The following DPP6 variants were observed in gnomAD, a reference collection of about 807,000 sequenced individuals.
DPP6 encodes the protein A-type potassium channel modulatory protein DPP6.
A neutral mutation model predicts 122.6 loss-of-function variants in DPP6; 69 were observed. The ratio of observed to expected loss-of-function variants is 0.56; its 90% CI spans 0.46 to 0.69. DPP6 has a LOEUF of 0.69. Ranked by LOEUF, DPP6 falls within the 30% of genes least tolerant of loss-of-function variation. DPP6 has a pLI of 0.00. For synonymous variants in DPP6, 418 were observed against 433.1 expected (o/e 0.97, Z 0.43); for missense variants, 928 against 1,116.9 (o/e 0.83, Z 2.41).
At chr7:154,688,497 G>A (rs1341150949) in intron 7 of DPP6, among the ~76,000 whole-genome samples, 1 of 151,958 alleles carries the variant, frequency 6.6e-6, no homozygotes, top group Non-Finnish European at 1.5e-5. Context: ...ATTAGTCAGG[G>A]TTCAGACTAA....
chr7:154,197,987 G>T (rs776028676), intron 1 of DPP6, among the ~76,000 whole-genome samples: 4 of 152,124 alleles, frequency 2.6e-5, no homozygotes, highest in Non-Finnish European at 5.9e-5. Flanking sequence ...TCTCTTTGAT[G>T]ACATCATTGT....
At chr7:154,886,014 C>T (rs952769361) in intron 22 of DPP6, among the ~76,000 whole-genome samples, 4 of 152,214 alleles carry the variant, frequency 2.6e-5, no homozygotes, top group East Asian at 3.9e-4. Flanking sequence ...GCTAGTACTC[C>T]GCTGGCAGCA....
chr7:154,034,604 T>C (rs1799425016), intron 1 of DPP6, among the ~76,000 whole-genome samples: 2 of 152,214 alleles, frequency 1.3e-5, no homozygotes, highest in South Asian at 4.1e-4. Context: ...TAAGATAACA[T>C]TTGTTTTGGA....
intron 1 of DPP6, among the ~76,000 whole-genome samples, chr7:154,093,356 G>A (rs567424055): frequency 4.3e-5 from 6 of 139,470 alleles, no homozygotes; most frequent in South Asian, 2.4e-4. Context: ...GCATACACAT[G>A]CATGACACAT....
At chr7:154,193,822 TC>T (rs1798730737) in intron 1 of DPP6, among the ~76,000 whole-genome samples, 1 of 151,892 alleles carries the variant, frequency 6.6e-6, no homozygotes, top group South Asian at 2.1e-4. Flanking sequence ...TATGTACTCC[TC>T]CCGGCTAAGC....
At chr7:153,845,067 C>T in the DPP6 span, among the ~76,000 whole-genome samples, 1 of 152,038 alleles carries the variant, frequency 6.6e-6, no homozygotes, top group Non-Finnish European at 1.5e-5. Context: ...GAAGAATTGG[C>T]TTTAACAGAT....
chr7:154,435,028 T>A (rs2010347), intron 1 of DPP6, among the ~76,000 whole-genome samples: 10 of 151,692 alleles, frequency 6.6e-5, no homozygotes, highest in Non-Finnish European at 2.9e-5. Flanking sequence ...GTAGAGATAG[T>A]GTTTCACCAT....
intron 1 of DPP6, among the ~76,000 whole-genome samples, chr7:154,024,838 A>T (rs1302333555): frequency 6.6e-6 from 1 of 152,208 alleles, no homozygotes; most frequent in African/African-American, 2.4e-5. Flanking sequence ...CAGTCTGTGT[A>T]AGATGCACCA....
chr7:154,402,171 A>C (rs1298832530), intron 1 of DPP6, among the ~76,000 whole-genome samples: 3 of 150,992 alleles, frequency 2.0e-5, no homozygotes, highest in Non-Finnish European at 4.4e-5. Flanking sequence ...TAGTTCAACC[A>C]TTGTGGAAGT....
At chr7:153,966,617 T>C (rs1247496947) in intron 1 of DPP6, among the ~76,000 whole-genome samples, 2 of 142,298 alleles carry the variant, frequency 1.4e-5, no homozygotes, top group Non-Finnish European at 3.0e-5. Context: ...TTTTAAAAAA[T>C]TATACTTTAA....
chr7:153,950,474 C>A (rs759517147), intron 1 of DPP6, among the ~76,000 whole-genome samples: 1 of 152,110 alleles, frequency 6.6e-6, no homozygotes, highest in Non-Finnish European at 1.5e-5. Context: ...CAGGGGACTG[C>A]CACGATCACA....
intron 1 of DPP6, among the ~76,000 whole-genome samples, chr7:154,007,834 G>A (rs540903644): frequency 1.1e-3 from 166 of 152,156 alleles, no homozygotes; most frequent in African/African-American, 3.8e-3. Flanking sequence ...CACACACCTC[G>A]GGATCCTTCA....
At chr7:154,044,592 C>A (rs564839676) in intron 1 of DPP6, among the ~76,000 whole-genome samples, 1 of 152,094 alleles carries the variant, frequency 6.6e-6, no homozygotes, top group Middle Eastern at 3.2e-3. Flanking sequence ...GAAAAGCTAC[C>A]GATCTACCTA....
rs1221501863 is a variant in DPP6, at chr7:153,964,394, G to A, written c.51+76660G>A. Among the ~76,000 whole-genome samples the A allele has an allele frequency of 5.9e-5, 9 of 152,216 alleles. No individual in the cohort carries two copies. The South Asian group carries it at 6.2e-4, about 11-fold the overall frequency. On this transcript the variant is annotated intron_variant, in intron 1 of 25. Transcript: ENST00000404039. ...TGTGTCTCATTCATCTCTTGTTGGC[G>A]TTTCTGAAAATACCACAGGTTCTGG...
chr7:154,607,987 T>TC lies in DPP6; in HGVS notation c.628-29834_628-29833insC, dbSNP rs1482127581. Among the ~76,000 whole-genome samples the TC allele has an allele frequency of 2.2e-4, 24 of 107,944 alleles. 5 individuals carry two copies. Among genetic ancestry groups the TC allele is most frequent in the Admixed American group, 1.8e-3 (17 of 9,328 alleles). 70.8% of individuals were successfully genotyped at this position (107,944 alleles called of 152,430 possible). On this transcript the variant is annotated intron_variant, in intron 5 of 25. Coordinates refer to ENST00000377770, the MANE Select transcript of DPP6 (RefSeq NM_130797.4). ...TATTTAGTTTTTTCTTTTTTTTTTC[T>TC]TTTTTTTTTTGAGACAGAGTCTCGC...
intron 1 of DPP6, among the ~76,000 whole-genome samples, chr7:154,209,946 G>A (rs1799651720): frequency 6.6e-6 from 1 of 152,172 alleles, no homozygotes; most frequent in South Asian, 2.1e-4. Context: ...ATGTGTCCAA[G>A]GCAATAGGAC....
At chr7:154,477,189 G>A (rs1025709961) in intron 3 of DPP6, among the ~76,000 whole-genome samples, 12 of 152,076 alleles carry the variant, frequency 7.9e-5, no homozygotes, top group Non-Finnish European at 1.3e-4. Flanking sequence ...TAGGGAGCAG[G>A]TTTGTCCATG....
intron 1 of DPP6, among the ~76,000 whole-genome samples, chr7:154,339,528 C>T (rs896265539): frequency 2.0e-5 from 3 of 152,178 alleles, no homozygotes; most frequent in Admixed American, 1.3e-4. Flanking sequence ...TCAGTGAGCA[C>T]GTTCTGCATA....
chr7:154,814,223 A>G (rs1799272585), intron 16 of DPP6, among the ~76,000 whole-genome samples: 2 of 152,152 alleles, frequency 1.3e-5, no homozygotes, highest in Admixed American at 1.3e-4. Context: ...GTTGATGACT[A>G]TGTTCCCATT....
Sources: gnomAD v4.1 joint callset for allele counts (sites outside exome capture counted in the v4.1 genomes callset) on GRCh38, gnomAD v4.1.1 for gene constraint, MANE v1.5 for transcripts, NCBI Gene and HGNC (gene_info 2026-07-23, HGNC 2026-07-21) for gene names.